UBAC2: variants seen among roughly 807,000 people sequenced by gnomAD.
UBAC2 encodes the protein UBA domain containing 2.
UBAC2 carries 26 observed loss-of-function variants against 44.0 expected under a neutral mutation model. The ratio of observed to expected loss-of-function variants is 0.59; its 90% CI spans 0.43 to 0.82. The LOEUF (loss-of-function observed/expected upper bound fraction) is 0.82, where lower values mean the gene tolerates loss of function less well. Ranked by LOEUF, UBAC2 falls within the 40% of genes least tolerant of loss-of-function variation. UBAC2 has a pLI of 0.00. For synonymous variants in UBAC2, 155 were observed against 154.3 expected (o/e 1.00, Z -0.04); for missense variants, 329 against 419.4 (o/e 0.78, Z 1.88).
chr13:99,213,180 A>G (rs1005059948), intron 1 of UBAC2, among the ~76,000 whole-genome samples: 10 of 152,058 alleles, frequency 6.6e-5, no homozygotes, highest in African/African-American at 2.4e-4. Context: ...CATCTCAGAT[A>G]TTAAAAAACG....
intron 8 of UBAC2, among the ~76,000 whole-genome samples, chr13:99,379,194 G>A (rs1593991702): frequency 6.6e-6 from 1 of 152,194 alleles, no homozygotes; most frequent in African/African-American, 2.4e-5. Flanking sequence ...GCAAGTTTAC[G>A]CTTATGCATG....
At chr13:99,303,312 C>T (rs190778711) in intron 4 of UBAC2, among the ~76,000 whole-genome samples, 190 of 152,358 alleles carry the variant, frequency 1.2e-3, no homozygotes, top group African/African-American at 4.3e-3. Flanking sequence ...AGACCCACTT[C>T]GGCTTCATAG....
Position 99,262,883 on chromosome 13 carries a change from T to C in UBAC2, c.389+18259T>C, listed in dbSNP as rs1284104918. On this transcript the variant is annotated intron_variant, in intron 4 of 8. Transcript: ENST00000403766. ...AACATGTATCTATAAGGTTGAGGGT[T>C]GTTGGTTTAAGACAAGTTACTTAGG... Among the ~76,000 whole-genome samples, 3 of 152,182 alleles carry C rather than the reference T, an allele frequency of 2.0e-5. No homozygotes were observed. The East Asian group carries it at 5.8e-4, about 29-fold the overall frequency.
At chr13:99,280,960 C>A (rs554659028) in intron 4 of UBAC2, among the ~76,000 whole-genome samples, 5 of 152,152 alleles carry the variant, frequency 3.3e-5, no homozygotes, top group African/African-American at 9.6e-5. Flanking sequence ...CCGAGGCAGG[C>A]AGATCACTTG....
intron 4 of UBAC2, among the ~76,000 whole-genome samples, chr13:99,282,989 A>T (rs1476522375): frequency 2.0e-5 from 3 of 152,224 alleles, no homozygotes; most frequent in Non-Finnish European, 2.9e-5. Flanking sequence ...GAGAATAGGC[A>T]TCCCTGTTTT....
Position 99,346,768 on chromosome 13 carries a change from T to G in UBAC2, c.807+6203T>G, listed in dbSNP as rs2138845728. Among the ~76,000 whole-genome samples the G allele has an allele frequency of 1.3e-5, 2 of 152,326 alleles. 1 individual carries two copies. Among genetic ancestry groups the G allele is most frequent in the South Asian group, 4.1e-4 (2 of 4,828 alleles). The stretch of plus-strand genomic sequence containing the variant: ...CCCTGTAGACACTGCCTGTCTCTCG[T>G]GGCACCGCAAACCCGATGTTCACTG... On this transcript the variant is annotated intron_variant, in intron 7 of 8. Transcript: ENST00000403766.
chr13:99,223,542 G>GTTTTTTTTTTTTTTTTTTT (rs145143990), intron 1 of UBAC2, among the ~76,000 whole-genome samples: 4 of 62,442 alleles, frequency 6.4e-5, no homozygotes, highest in African/African-American at 2.5e-4. Context: ...CTCTTTTTCT[G>GTTTTTTTTTTTTTTTTTTT]TTTTTTTTTT....
In UBAC2 at chr13:99,237,269, T is replaced by TACACACAC. The variant is rs1345943442; in HGVS notation, c.32-1157_32-1156insCACACACA. Among the ~76,000 whole-genome samples, 861 of 122,748 alleles carry TACACACAC rather than the reference T, an allele frequency of 7.0e-3. 9 individuals carry two copies. The highest frequency in any genetic ancestry group is 0.055 in the East Asian group (208 of 3,788). 80.5% of individuals were successfully genotyped at this position (122,748 alleles called of 152,430 possible). ...AATTTTATGCGTATATATATATATA[T>TACACACAC]ATACACACACACACACACACACACA... On this transcript the variant is annotated intron_variant, in intron 1 of 8. Transcript: ENST00000403766.
At chr13:99,339,404 C>T (rs189098381) in intron 6 of UBAC2, among the ~76,000 whole-genome samples, 1 of 152,316 alleles carries the variant, frequency 6.6e-6, no homozygotes, top group Non-Finnish European at 1.5e-5. Flanking sequence ...ACTGCCTGTT[C>T]TCCACATTGA....
At chr13:99,201,133 C>A in intron 1 of UBAC2, 194 bp downstream of exon 1, 1 of 1,355,672 alleles carries the variant, frequency 7.4e-7, no homozygotes, top group East Asian at 2.7e-5. Flanking sequence ...CCTGGAGGGG[C>A]GAATGGGGAC....
At chr13:99,228,291 A>ATT (rs138887932) in intron 1 of UBAC2, among the ~76,000 whole-genome samples, 8 of 145,288 alleles carry the variant, frequency 5.5e-5, no homozygotes, top group South Asian at 4.4e-4. Flanking sequence ...ATATTCATTC[A>ATT]TTTTTTTTTT....
At chr13:99,200,973 CT>C in intron 1 of UBAC2, 34 bp downstream of exon 1, 3 of 1,299,628 alleles carry the variant, frequency 2.3e-6, no homozygotes, top group Non-Finnish European at 3.0e-6. Context: ...TGGCTGCCCC[CT>C]ACACGCCACC....
chr13:99,333,756 T>G (rs1385812653), intron 6 of UBAC2, among the ~76,000 whole-genome samples: 2 of 152,156 alleles, frequency 1.3e-5, no homozygotes, highest in Non-Finnish European at 2.9e-5. Flanking sequence ...GAGTGTATAC[T>G]CACGTCTGAT....
Position 99,295,838 on chromosome 13 carries a change from A to G in UBAC2, c.390-18259A>G. 2 of 1,606,628 alleles carry G rather than the reference A, an allele frequency of 1.2e-6. No individual in the cohort carries two copies. Among genetic ancestry groups the G allele is most frequent in the Admixed American group, 1.7e-5 (1 of 59,744 alleles). ...AAACACTAGCGCAGTTATCCTACACAAGGCATCTCCGATTCTCCAGTCAAA... is the reference window on the plus strand; with the variant it reads ...AAACACTAGCGCAGTTATCCTACACGAGGCATCTCCGATTCTCCAGTCAAA... On this transcript the variant is annotated intron_variant, in intron 4 of 8. Transcript: ENST00000403766. This position sits in a 1 kb window ranked among gnomAD's most constrained non-coding sequence, Gnocchi z 4.1.
chr13:99,267,829 TG>T (rs771340457), intron 4 of UBAC2, among the ~76,000 whole-genome samples: 31 of 152,198 alleles, frequency 2.0e-4, no homozygotes, highest in Non-Finnish European at 3.8e-4. Flanking sequence ...ATTTCAGTAA[TG>T]GTGGAGGCTA....
At position 99,237,911 on chromosome 13, in the gene UBAC2, C is replaced by T. The variant is rs188575372; in HGVS notation, c.32-516C>T. The stretch of plus-strand genomic sequence containing the variant: ...TGGAGGTTGCAGTGAGCCGAGATTG[C>T]GCCACTGCACTCCAGTTTGGGCGAC... On this transcript the variant is annotated intron_variant, in intron 1 of 8. Transcript: ENST00000403766. Among the ~76,000 whole-genome samples, 514 of 152,276 alleles carry T rather than the reference C, an allele frequency of 3.4e-3. 3 individuals are homozygous for T. Among genetic ancestry groups the T allele is most frequent in the African/African-American group, 0.012 (489 of 41,554 alleles).
chr13:99,383,810 G>C (rs990581987), intron 8 of UBAC2, among the ~76,000 whole-genome samples: 4 of 152,252 alleles, frequency 2.6e-5, no homozygotes, highest in African/African-American at 9.6e-5. Context: ...TGTCCCTGTT[G>C]GCCCTCAACT....
chr13:99,342,948 T>C (rs966340451), intron 7 of UBAC2, among the ~76,000 whole-genome samples: 1 of 152,238 alleles, frequency 6.6e-6, no homozygotes, highest in Non-Finnish European at 1.5e-5. Context: ...CTGCCACTCA[T>C]GTCCTGAGCC....
intron 4 of UBAC2, among the ~76,000 whole-genome samples, chr13:99,301,286 C>T (rs1021199765): frequency 3.3e-5 from 5 of 152,200 alleles, no homozygotes; most frequent in Non-Finnish European, 7.4e-5. Context: ...AGGGCCCTGT[C>T]GGCCTTCAAG....
Sources: gnomAD v4.1 joint callset for allele counts (sites outside exome capture counted in the v4.1 genomes callset) on GRCh38, gnomAD v4.1.1 for gene constraint, Gnocchi (gnomAD v3.1) non-coding constraint, MANE v1.5 for transcripts, NCBI Gene and HGNC (gene_info 2026-07-23, HGNC 2026-07-21) for gene names.